The following HPX variants were observed in gnomAD, a reference collection of about 807,000 sequenced individuals.
The protein encoded by HPX is hemopexin.
HPX carries 42 observed loss-of-function variants against 53.8 expected under a neutral mutation model. That is an observed-to-expected ratio of 0.78 (90% CI 0.61 to 1.01). HPX has a LOEUF of 1.01. Ranked by LOEUF, HPX falls within the 50% of genes least tolerant of loss-of-function variation. The pLI, the probability that HPX is intolerant of heterozygous loss-of-function variation, is 0.00. For synonymous variants in HPX, 229 were observed against 221.1 expected (o/e 1.04, Z -0.32); for missense variants, 547 against 594.3 (o/e 0.92, Z 0.83).
At position 6,431,468 on chromosome 11, in the gene HPX, G is replaced by A. The variant is rs114914301; in HGVS notation, c.1132C>T (p.Arg378Trp). Residue 378 changes from arginine (R) to tryptophan (W), a missense_variant and splice_region_variant, in exon 10 of 10, where the codon CGG becomes TGG. By Grantham distance (101) the Arg-to-Trp change is moderately radical. Transcript: ENST00000265983. ...GSSRLHIMAG[R>W]RLWWLDLKSG... ...TTCAGGTCCAGCCACCACAGCCGCC[G>A]TCCTGGGGAGAAGGCACCAAACATA... 2.0e-4 allele frequency: 323 copies of A among 1,614,122 alleles called. 1 individual carries two copies. In the African/African-American group the frequency reaches 3.6e-3, roughly 18 times the overall value.
At position 6,440,593 on chromosome 11, in the gene HPX, A is replaced by G. The variant is rs1020198490; in HGVS notation, c.143-55T>C. 26 of 1,174,894 alleles carry G rather than the reference A, an allele frequency of 2.2e-5. 1 individual carries two copies. In the African/African-American group the frequency reaches 4.0e-4, roughly 18 times the overall value. 72.8% of individuals were successfully genotyped at this position (1,174,894 alleles called of 1,614,324 possible). ...AAAAAAAAAAAAAAAAAAAAAAAAA[A>G]AAAAAAAAAACCAGAAGGTGATAAA... On this transcript the variant is annotated intron_variant, in intron 2 of 9. Transcript: ENST00000265983.
chr11:6,438,797 T>C (rs1257893431), intron 4 of HPX, among the ~76,000 whole-genome samples: 1 of 152,238 alleles, frequency 6.6e-6, no homozygotes. Context: ...TATCCACAAC[T>C]GTTCATCCTG....
In HPX at chr11:6,440,289, G is replaced by GA; in HGVS notation, c.215-4dup. ...GTGACTCTTCCACACAAACTCCCCTGAAAAAACCCACACTCACTGAGGGGC... is the reference window on the plus strand; with the variant it reads ...GTGACTCTTCCACACAAACTCCCCTGAAAAAAACCCACACTCACTGAGGGGC... On this transcript the variant is annotated splice_polypyrimidine_tract_variant and splice_region_variant and intron_variant, in intron 3 of 9. Coordinates refer to ENST00000265983, the MANE Select transcript of HPX (RefSeq NM_000613.3). 1.9e-6 allele frequency: 3 copies of GA among 1,613,676 alleles called. No homozygotes were observed. The highest frequency in any genetic ancestry group is 1.3e-5 in the African/African-American group (1 of 74,978).
In HPX at chr11:6,432,000, G is replaced by T. The variant is rs759936517; in HGVS notation, c.853C>A (p.Leu285Met). Reference protein sequence around the residue: ...YAFSGTHYWRLDTSRDGWHSW... With the variant: ...YAFSGTHYWRMDTSRDGWHSW... ...TGCCAGCCATCCCGGCTGGTGTCCA[G>T]ACGCCAGTAGTGGGTCCCTGTGGAA... The change falls in exon 8 of 10, where the codon CTG (leucine) becomes ATG (methionine). Residue 285 changes from leucine to methionine, a missense_variant. Transcript: ENST00000265983. 1.9e-6 allele frequency: 3 copies of T among 1,614,236 alleles called. No homozygotes were observed. Among genetic ancestry groups the T allele is most frequent in the Non-Finnish European group, 2.5e-6 (3 of 1,180,046 alleles).
chr11:6,437,235 C>G, intron 6 of HPX, 58 bp from the exon 7 acceptor site: 2 of 1,569,682 alleles, frequency 1.3e-6, no homozygotes, highest in Non-Finnish European at 1.7e-6. Context: ...AGAGTGAGGT[C>G]CAAGGTGGAA....
Position 6,438,379 on chromosome 11 carries a change from G to C in HPX, c.467C>G (p.Ala156Gly). The change falls in exon 5 of 10, where the codon GCT becomes GGT. Residue 156 changes from alanine to glycine, a missense_variant. Coordinates refer to ENST00000265983, the MANE Select transcript of HPX (RefSeq NM_000613.3). ...ACCTTGGAAGAAGAGGACGCCTTCA[G>C]CTTGACATTCTCCACGGTGACATTC... ...AVECHRGECQAEGVLFFQGDR... is the reference protein window; with the variant it reads ...AVECHRGECQGEGVLFFQGDR... 3 of 1,614,170 alleles carry C rather than the reference G, an allele frequency of 1.9e-6. No individual in the cohort carries two copies. The highest frequency in any genetic ancestry group is 2.5e-6 in the Non-Finnish European group (3 of 1,180,028).
chr11:6,435,095 G>T (rs1294773058), intron 7 of HPX, among the ~76,000 whole-genome samples: 1 of 151,822 alleles, frequency 6.6e-6, no homozygotes, highest in East Asian at 1.9e-4. Context: ...TTAATAAATA[G>T]TACATTGTAA....
At position 6,437,546 on chromosome 11, in the gene HPX, G is replaced by A. The variant is rs781554512; in HGVS notation, c.597C>T (p.Tyr199=). 22 of 1,614,230 alleles carry A rather than the reference G, an allele frequency of 1.4e-5. No individual in the cohort carries two copies. The highest frequency in any genetic ancestry group is 1.6e-5 in the Non-Finnish European group (19 of 1,180,018). ...SSALRWLGRY[Y]CFQGNQFLRF... ...GCAGGAATTGGTTACCCTGGAAGCA[G>A]TAGTAGCGGCCCAGCCATCTCAGGG... The change falls in exon 6 of 10, where the codon TAC becomes TAT. Residue 199 remains tyrosine, a synonymous_variant. Coordinates refer to ENST00000265983, the MANE Select transcript of HPX (RefSeq NM_000613.3).
chr11:6,440,394 C>A (rs1178433500), intron 3 of HPX, 73 bp downstream of exon 3: 2 of 1,592,462 alleles, frequency 1.3e-6, no homozygotes, highest in Admixed American at 3.4e-5. Context: ...TAAGACCTCC[C>A]ACAGACAGGG....
intron 7 of HPX, among the ~76,000 whole-genome samples, chr11:6,433,761 C>T (rs1227319214): frequency 6.6e-6 from 1 of 152,222 alleles, no homozygotes; most frequent in Non-Finnish European, 1.5e-5. Context: ...CTTACCAGGT[C>T]TAGGTAACCT....
intron 7 of HPX, among the ~76,000 whole-genome samples, chr11:6,434,560 G>A (rs1748786939): frequency 6.6e-6 from 1 of 151,994 alleles, no homozygotes; most frequent in Non-Finnish European, 1.5e-5. Flanking sequence ...AGAACTCCTG[G>A]ACTCAAGTGA....
intron 2 of HPX, 57 bp from the exon 3 acceptor site, chr11:6,440,595 AAAAAAAAAC>A: frequency 8.7e-6 from 11 of 1,271,186 alleles, no homozygotes; most frequent in African/African-American, 1.7e-5. Context: ...AAAAAAAAAA[AAAAAAAAAC>A]CAGAAGGTGA....
chr11:6,438,748 T>C (rs1417088122), intron 4 of HPX, among the ~76,000 whole-genome samples: 1 of 152,228 alleles, frequency 6.6e-6, no homozygotes, highest in Non-Finnish European at 1.5e-5. Flanking sequence ...GACACTCCTG[T>C]GGCACATTTA....
At chr11:6,440,780 C>A in intron 1 of HPX, 50 bp from the exon 2 acceptor site, 1 of 1,598,582 alleles carries the variant, frequency 6.3e-7, no homozygotes, top group Non-Finnish European at 8.6e-7. Flanking sequence ...GATCCCTTTC[C>A]CATAGCCCCT....
chr11:6,437,904 G>A, intron 5 of HPX: 1 of 576,936 alleles, frequency 1.7e-6, no homozygotes, highest in Non-Finnish European at 3.1e-6. Flanking sequence ...GAAATCTGAA[G>A]TAGGAATTAA....
In HPX at chr11:6,431,780, C is replaced by T; in HGVS notation, c.990G>A (p.Leu330=). ...LVQGTQVYVF[L]TKGGYTLVSG... ...TTACTAGGGTATAGCCTCCCTTTGT[C>T]AGGAAGACATATACCTGGGTGCCCT... The change falls in exon 9 of 10, where the codon CTG becomes CTA. Residue 330 remains leucine (L), a synonymous_variant. Coordinates refer to ENST00000265983, the MANE Select transcript of HPX (RefSeq NM_000613.3). 1 of 1,614,122 alleles carries T rather than the reference C, an allele frequency of 6.2e-7. No individual in the cohort carries two copies. The highest frequency in any genetic ancestry group is 8.5e-7 in the Non-Finnish European group (1 of 1,180,022).
At position 6,440,895 on chromosome 11, in the gene HPX, G is replaced by A; in HGVS notation, c.69C>T (p.Ala23=). The A allele has an allele frequency of 1.2e-6, 2 of 1,613,224 alleles. No homozygotes were observed. The highest frequency in any genetic ancestry group is 1.7e-4 in the Middle Eastern group (1 of 6,056). The change falls in exon 1 of 10, where the codon GCC becomes GCT. Residue 23 remains alanine (A), a synonymous_variant. Coordinates refer to ENST00000265983, the MANE Select transcript of HPX (RefSeq NM_000613.3). The part of the protein sequence containing the change: ...LWSLCWSLAI[A]TPLPPTSAHG... Reference sequence around the variant, plus strand: ...GCTTTACTCACGGAGGAAGAGGGGTGGCAATGGCCAGAGACCAGCATAGGC... The same window carrying A: ...GCTTTACTCACGGAGGAAGAGGGGTAGCAATGGCCAGAGACCAGCATAGGC...
At chr11:6,437,933 T>C (rs1469121328) in intron 5 of HPX, 4 of 553,260 alleles carry the variant, frequency 7.2e-6, no homozygotes, top group East Asian at 3.1e-5. Flanking sequence ...CAAGGAGAGA[T>C]GGAACCCCAG....
intron 5 of HPX, chr11:6,438,138 G>A: frequency 1.7e-6 from 1 of 594,006 alleles, no homozygotes; most frequent in Non-Finnish European, 3.0e-6. Context: ...AACAATGAGG[G>A]ACTATTCACA....
Sources: gnomAD v4.1 joint callset for allele counts (sites outside exome capture counted in the v4.1 genomes callset) on GRCh38, gnomAD v4.1.1 for gene constraint, MANE v1.5 for transcripts, NCBI Gene and HGNC (gene_info 2026-07-23, HGNC 2026-07-21) for gene names.